GNA14: variants seen among roughly 807,000 people sequenced by gnomAD.
GNA14 encodes the protein guanine nucleotide-binding protein subunit alpha-14.
Under a neutral mutation model 42.0 loss-of-function variants are expected in GNA14, and 50 were observed. The observed-to-expected ratio is 1.19, with a 90% CI of 0.95 to 1.51. The LOEUF is 1.51. GNA14 is among the 40% of genes most tolerant of loss of function. The pLI is 0.00. For synonymous variants in GNA14, 173 were observed against 163.1 expected (o/e 1.06, Z -0.46); for missense variants, 473 against 446.2 (o/e 1.06, Z -0.54).
intron 2 of GNA14, among the ~76,000 whole-genome samples, chr9:77,501,996 C>T (rs1212128243): frequency 2.0e-5 from 3 of 152,124 alleles, no homozygotes; most frequent in Non-Finnish European, 4.4e-5. Flanking sequence ...CGTGAGCCAC[C>T]GTGCCCAGCC....
intron 2 of GNA14, among the ~76,000 whole-genome samples, chr9:77,491,603 G>A (rs980098673): frequency 6.6e-6 from 1 of 152,184 alleles, no homozygotes; most frequent in African/African-American, 2.4e-5. Context: ...AATTTGGCAA[G>A]AGGATATAAC....
intron 1 of GNA14, among the ~76,000 whole-genome samples, chr9:77,634,816 C>T (rs1358797824): frequency 1.3e-5 from 2 of 152,164 alleles, no homozygotes; most frequent in African/African-American, 4.8e-5. Context: ...GACATATCTT[C>T]ATTCAACCAG....
intron 1 of GNA14, among the ~76,000 whole-genome samples, chr9:77,576,220 A>G (rs1823126434): frequency 6.6e-6 from 1 of 152,302 alleles, no homozygotes; most frequent in South Asian, 2.1e-4. Context: ...GTCAGGGAGA[A>G]GAGAAAGACG....
chr9:77,647,570 CCCCG>C, intron 1 of GNA14, 96 bp downstream of exon 1: 1 of 1,356,170 alleles, frequency 7.4e-7, no homozygotes, highest in South Asian at 1.5e-5. Context: ...CCGCCCTGCA[CCCCG>C]CTGGGCTCCA....
intron 2 of GNA14, among the ~76,000 whole-genome samples, chr9:77,468,344 G>A (rs1836272787): frequency 6.6e-6 from 1 of 152,140 alleles, no homozygotes; most frequent in Non-Finnish European, 1.5e-5. Context: ...CCAGTTAAAT[G>A]GCTGTTTCAC....
chr9:77,469,511 C>G (rs1165110830), intron 2 of GNA14, among the ~76,000 whole-genome samples: 2 of 148,082 alleles, frequency 1.4e-5, no homozygotes, highest in Non-Finnish European at 3.0e-5. Flanking sequence ...GTTTTATACT[C>G]TCTGCAAGAA....
At chr9:77,586,959 C>T (rs377733134) in intron 1 of GNA14, among the ~76,000 whole-genome samples, 3 of 147,482 alleles carry the variant, frequency 2.0e-5, no homozygotes, top group Non-Finnish European at 3.0e-5. Context: ...ATGTCTGCAG[C>T]TCGATTTTAC....
At chr9:77,452,561 T>TGTGTGTGGTGTGTG (rs1835922185) in intron 2 of GNA14, among the ~76,000 whole-genome samples, 1 of 141,980 alleles carries the variant, frequency 7.0e-6, no homozygotes. Context: ...TGTGTGTGTG[T>TGTGTGTGGTGTGTG]GTGTGTGTGT....
At chr9:77,581,115 T>C (rs1323974533) in intron 1 of GNA14, among the ~76,000 whole-genome samples, 3 of 152,196 alleles carry the variant, frequency 2.0e-5, no homozygotes, top group Non-Finnish European at 2.9e-5. Context: ...ACTAGATCTA[T>C]CTGCAGTTCT....
In GNA14 at chr9:77,425,634, A is replaced by C; in HGVS notation, c.805T>G (p.Leu269Val). ...WFLNSSVILF[L>V]NKKDLLEEKI... Reference sequence around the variant, plus strand: ...TCTTCCAAAAGATCCTTCTTGTTCAAGAATAAAATCACAGACGAATTCAGA... The same window carrying C: ...TCTTCCAAAAGATCCTTCTTGTTCACGAATAAAATCACAGACGAATTCAGA... Residue 269 changes from leucine (L) to valine (V), a missense_variant, in exon 6 of 7, where the codon TTG (leucine) becomes GTG (valine). Physicochemically the swap from Leu to Val is conservative, Grantham distance 32 (BLOSUM62 1). Coordinates refer to ENST00000341700, the MANE Select transcript of GNA14 (RefSeq NM_004297.4). 6.2e-7 allele frequency: 1 copy of C among 1,609,480 alleles called. No individual in the cohort carries two copies. The highest frequency in any genetic ancestry group is 8.5e-7 in the Non-Finnish European group (1 of 1,175,796).
chr9:77,576,084 T>C (rs1408419198), intron 1 of GNA14, among the ~76,000 whole-genome samples: 2 of 152,224 alleles, frequency 1.3e-5, no homozygotes, highest in African/African-American at 4.8e-5. Context: ...AAATCTTCTA[T>C]GGTTGCATGT....
chr9:77,576,000 G>T (rs552022093), intron 1 of GNA14, among the ~76,000 whole-genome samples: 4 of 152,202 alleles, frequency 2.6e-5, no homozygotes, highest in African/African-American at 9.7e-5. Context: ...TATCCATGGT[G>T]CTGAAATGTT....
chr9:77,608,940 C>T (rs896853633), intron 1 of GNA14, among the ~76,000 whole-genome samples: 1 of 152,100 alleles, frequency 6.6e-6, no homozygotes, highest in Non-Finnish European at 1.5e-5. Flanking sequence ...CCTTCATTCA[C>T]ATCCATACTA....
intron 1 of GNA14, among the ~76,000 whole-genome samples, chr9:77,608,735 T>G (rs1156367362): frequency 3.5e-5 from 5 of 143,606 alleles, no homozygotes; most frequent in African/African-American, 1.5e-4. Flanking sequence ...ATATCCTGTT[T>G]TTTTTTTTTT....
intron 2 of GNA14, among the ~76,000 whole-genome samples, chr9:77,475,534 C>A (rs1194795668): frequency 6.6e-6 from 1 of 151,438 alleles, no homozygotes; most frequent in African/African-American, 2.4e-5. Context: ...GTAGAGAGAG[C>A]TGGGGGAATC....
At position 77,533,377 on chromosome 9, in the gene GNA14, G is replaced by A. The variant is rs570648338; in HGVS notation, c.125-4124C>T. ...GTATTTTTAGTAGAGACAGGGTTTCGCCATGTTGCCCAGGCTGGTCTCAAA... is the reference window on the plus strand; with the variant it reads ...GTATTTTTAGTAGAGACAGGGTTTCACCATGTTGCCCAGGCTGGTCTCAAA... On this transcript the variant is annotated intron_variant, in intron 1 of 6. Transcript: ENST00000341700. Among the ~76,000 whole-genome samples the A allele has an allele frequency of 4.6e-5, 7 of 152,140 alleles. 1 individual carries two copies. In the South Asian group the frequency reaches 1.0e-3, roughly 23 times the overall value.
intron 1 of GNA14, among the ~76,000 whole-genome samples, 186 bp downstream of exon 1, chr9:77,647,484 C>G (rs1824375800): frequency 6.6e-6 from 1 of 152,150 alleles, no homozygotes; most frequent in African/African-American, 2.4e-5. Flanking sequence ...AGTCGCCCAG[C>G]CAGAGATGGA....
At chr9:77,559,376 G>A (rs2131787485) in intron 1 of GNA14, among the ~76,000 whole-genome samples, 1 of 152,288 alleles carries the variant, frequency 6.6e-6, no homozygotes, top group Middle Eastern at 3.4e-3. Flanking sequence ...AAAGGTGCAA[G>A]TGAGATAAAG....
intron 1 of GNA14, among the ~76,000 whole-genome samples, chr9:77,531,912 A>G (rs371143071): frequency 1.0e-4 from 16 of 152,384 alleles, no homozygotes; most frequent in Non-Finnish European, 1.9e-4. Flanking sequence ...GATGTATTCA[A>G]TAAATACCCA....
Sources: gnomAD v4.1 joint callset for allele counts (sites outside exome capture counted in the v4.1 genomes callset) on GRCh38, gnomAD v4.1.1 for gene constraint, MANE v1.5 for transcripts, NCBI Gene and HGNC (gene_info 2026-07-23, HGNC 2026-07-21) for gene names.